The following CCNG1 variants were observed in gnomAD, a reference collection of about 807,000 sequenced individuals.
CCNG1 encodes the protein cyclin G1.
In CCNG1, 13 loss-of-function variants were observed where a neutral mutation model predicts 30.0. The observed-to-expected ratio is 0.43, with a 90% CI of 0.28 to 0.69. The LOEUF (loss-of-function observed/expected upper bound fraction) is 0.69, where lower values mean the gene tolerates loss of function less well. Ranked by LOEUF, CCNG1 falls within the 30% of genes least tolerant of loss-of-function variation. The pLI, the probability that CCNG1 is intolerant of heterozygous loss-of-function variation, is 0.16. For missense variants in CCNG1, 285 were observed against 331.4 expected (o/e 0.86, Z 1.09); for synonymous variants, 110 against 121.5 (o/e 0.91, Z 0.62).
intron 1 of CCNG1, 66 bp from the exon 2 acceptor site, chr5:163,439,191 A>C (rs568802529): frequency 1.5e-4 from 211 of 1,445,178 alleles, no homozygotes; most frequent in Admixed American, 8.1e-4. Flanking sequence ...CCCAGTGCAA[A>C]GATGGCCAAG....
intron 6 of CCNG1, 68 bp downstream of exon 6, chr5:163,442,636 A>G: frequency 8.2e-7 from 1 of 1,216,984 alleles, no homozygotes; most frequent in Non-Finnish European, 1.2e-6. Flanking sequence ...TCAACTAAAG[A>G]AGAGTAATTA....
chr5:163,452,081 A>T, the CCNG1 span: 1 of 152,006 alleles, frequency 6.6e-6, no homozygotes. Flanking sequence ...CAAATAATCA[A>T]ATAGGAATCA....
chr5:163,445,608 C>T (rs956542570), downstream of CCNG1, among the ~76,000 whole-genome samples: 6 of 135,774 alleles, frequency 4.4e-5, no homozygotes, highest in African/African-American at 1.6e-4. Context: ...CACATGCCAC[C>T]GCACCCAGCT....
At position 163,439,505 on chromosome 5, in the gene CCNG1, C is replaced by G; in HGVS notation, c.249C>G (p.Phe83Leu). Residue 83 changes from phenylalanine (F) to leucine (L), a missense_variant, in exon 2 of 7, where the codon TTC becomes TTG. Coordinates refer to ENST00000340828, the MANE Select transcript of CCNG1 (RefSeq NM_004060.4). The stretch of plus-strand genomic sequence containing the variant: ...TAGCTGTGAATTTACTGGACAGATT[C>G]CTGTCTAAAATGAAGGTATGTTTGA... ...FSLAVNLLDR[F>L]LSKMKVQPKH... 1 of 1,612,786 alleles carries G rather than the reference C, an allele frequency of 6.2e-7. No individual in the cohort carries two copies. Among genetic ancestry groups the G allele is most frequent in the Non-Finnish European group, 8.5e-7 (1 of 1,179,148 alleles).
downstream of CCNG1, chr5:163,448,514 A>G (rs1012886524): frequency 2.0e-5 from 3 of 152,212 alleles, no homozygotes; most frequent in Non-Finnish European, 4.4e-5. Context: ...ATTTTTAAAA[A>G]TTGAACCATT....
rs1394166102 is a variant in CCNG1 at position 163,441,257 on chromosome 5, A to T, written c.444A>T (p.Lys148Asn). 3 of 1,614,036 alleles carry T rather than the reference A, an allele frequency of 1.9e-6. No homozygotes were observed. In the South Asian group the frequency reaches 3.3e-5, roughly 18 times the overall value. The change falls in exon 3 of 7, where the codon AAA becomes AAT. Residue 148 changes from lysine (K) to asparagine (N), a missense_variant. Lys to Asn is a moderately conservative substitution (Grantham distance 94, BLOSUM62 0). Coordinates refer to ENST00000340828, the MANE Select transcript of CCNG1 (RefSeq NM_004060.4). ...EKIVLEKVCW[K>N]VKATTAFQFL... ...TTGTATTGGAGAAGGTGTGTTGGAA[A>T]GTCAAAGCTACTACTGCCTTTCAAT...
the CCNG1 span, among the ~76,000 whole-genome samples, chr5:163,456,181 G>A: frequency 3.9e-5 from 6 of 152,158 alleles, no homozygotes; most frequent in Non-Finnish European, 7.4e-5. Flanking sequence ...GTCTAGGCTA[G>A]AGATATACAT....
intron 2 of CCNG1, 25 bp downstream of exon 2, chr5:163,439,545 A>T (rs756280120): frequency 1.3e-6 from 2 of 1,591,556 alleles, no homozygotes; most frequent in South Asian, 2.3e-5. Context: ...ACATTTTTGT[A>T]ATTTTGCTCA....
chr5:163,437,876 G>T (rs764123738), intron 1 of CCNG1, 72 bp downstream of exon 1: 3 of 152,422 alleles, frequency 2.0e-5, no homozygotes, highest in Non-Finnish European at 4.4e-5. Context: ...GGGGCGAGGA[G>T]TAGGTCTGGC....
At chr5:163,454,707 G>C in the CCNG1 span, among the ~76,000 whole-genome samples, 1 of 152,168 alleles carries the variant, frequency 6.6e-6, no homozygotes, top group African/African-American at 2.4e-5. Flanking sequence ...ACATATATAA[G>C]ATATTTAACC....
downstream of CCNG1, chr5:163,446,655 T>C (rs140413678): frequency 6.6e-6 from 1 of 152,228 alleles, no homozygotes; most frequent in Non-Finnish European, 1.5e-5. Flanking sequence ...AATGTTATTA[T>C]TTATTAAATC....
intron 3 of CCNG1, chr5:163,441,587 G>GA (rs1193407634): frequency 1.0e-4 from 49 of 482,052 alleles, no homozygotes; most frequent in Non-Finnish European, 1.6e-4. Context: ...CAAATTTATG[G>GA]AAAAAAAGGA....
At chr5:163,449,774 A>G (rs184732826), downstream of CCNG1, 13 of 152,340 alleles carry the variant, frequency 8.5e-5, no homozygotes, top group African/African-American at 2.9e-4. Context: ...ATAGCAATTG[A>G]TTTCTGACAA....
downstream of CCNG1, chr5:163,446,940 G>A (rs755244058): frequency 4.6e-5 from 7 of 152,186 alleles, no homozygotes; most frequent in Non-Finnish European, 1.0e-4. Context: ...GCTTGAACCT[G>A]TGAGGCAGTG....
At chr5:163,445,991 A>G (rs995106427), downstream of CCNG1, 8 of 152,154 alleles carry the variant, frequency 5.3e-5, no homozygotes, top group Admixed American at 5.2e-4. Flanking sequence ...GGTAACCACC[A>G]TGTGTTATGT....
the CCNG1 span, chr5:163,457,225 G>A: frequency 2.8e-5 from 22 of 794,222 alleles, no homozygotes; most frequent in East Asian, 4.1e-4. Context: ...TCCGCCCCCC[G>A]GGTTCAAGTG....
chr5:163,454,010 T>C, the CCNG1 span: 8 of 1,560,746 alleles, frequency 5.1e-6, no homozygotes, highest in Non-Finnish European at 7.0e-6. Flanking sequence ...TTTAGTGTAG[T>C]TTCCTGAGAT....
At chr5:163,452,293 A>ACTAAAGAGAACCCAGGCT in the CCNG1 span, 1 of 152,194 alleles carries the variant, frequency 6.6e-6, no homozygotes, top group African/African-American at 2.4e-5. Flanking sequence ...AATATTACTC[A>ACTAAAGAGAACCCAGGCT]CTAAAGAGAA....
Position 163,443,972 on chromosome 5 carries a change from T to G in CCNG1, c.*302T>G. On this transcript the variant is annotated 3_prime_UTR_variant, in exon 7 of 7. Transcript: ENST00000340828. ...CTATCATTGATCTAACTTTAGATAT[T>G]GGATCAATATATTTAGGTGGTATTG... 2.4e-6 allele frequency: 1 copy of G among 410,700 alleles called. No individual in the cohort carries two copies. Among genetic ancestry groups the G allele is most frequent in the East Asian group, 4.2e-5 (1 of 23,858 alleles). 25.4% of individuals were successfully genotyped at this position (410,700 alleles called of 1,614,324 possible).
Sources: allele counts gnomAD v4.1 joint callset (sites outside exome capture counted in the v4.1 genomes callset), GRCh38; gene constraint gnomAD v4.1.1; transcripts MANE v1.5; gene names NCBI Gene and HGNC (gene_info 2026-07-23, HGNC 2026-07-21).